The following RGS5 variants were observed in gnomAD, a reference collection of about 807,000 sequenced individuals.
RGS5 encodes the protein regulator of G-protein signalling 5.
RGS5 carries 20 observed loss-of-function variants against 18.9 expected under a neutral mutation model. The observed-to-expected ratio is 1.06, with a 90% CI of 0.74 to 1.54. The LOEUF (loss-of-function observed/expected upper bound fraction) is 1.54, where lower values mean the gene tolerates loss of function less well. Among genes scored for constraint, RGS5 ranks in the 40% most tolerant of loss-of-function variants. The pLI is 0.00. For synonymous variants in RGS5, 57 were observed against 76.2 expected (o/e 0.75, Z 1.31); for missense variants, 201 against 211.8 (o/e 0.95, Z 0.32).
Position 163,143,920 on chromosome 1 carries a change from A to G in RGS5, c.*3422T>C, listed in dbSNP as rs1407034564. The G allele has an allele frequency of 6.6e-6, 1 of 152,160 alleles. No homozygotes were observed. The highest frequency in any genetic ancestry group is 1.9e-4 in the East Asian group (1 of 5,200). The allele number at this position is 152,160 out of a possible 1,614,324, so 9.4% of individuals were successfully genotyped here. On this transcript the variant is annotated 3_prime_UTR_variant, in exon 5 of 5. Coordinates refer to ENST00000313961, the MANE Select transcript of RGS5 (RefSeq NM_003617.4). ...TATTACTCTTTGGAAAATAATTAACAGCTCCATCCTATTGAAATGGCTTGT... is the reference window on the plus strand; with the variant it reads ...TATTACTCTTTGGAAAATAATTAACGGCTCCATCCTATTGAAATGGCTTGT...
chr1:163,186,821 A>G (rs1659108968), intron 1 of RGS5, among the ~76,000 whole-genome samples: 1 of 152,138 alleles, frequency 6.6e-6, no homozygotes, highest in African/African-American at 2.4e-5. Context: ...CCCTGAATCA[A>G]TTCTCAGTCT....
At chr1:163,180,424 G>A (rs948907060) in intron 1 of RGS5, among the ~76,000 whole-genome samples, 1 of 152,100 alleles carries the variant, frequency 6.6e-6, no homozygotes, top group African/African-American at 2.4e-5. Flanking sequence ...GCCTTGCAGA[G>A]ACAATTTCCT....
At chr1:163,250,505 C>A (rs1416363227) in intron 2 of RGS5, among the ~76,000 whole-genome samples, 1 of 152,110 alleles carries the variant, frequency 6.6e-6, no homozygotes, top group Non-Finnish European at 1.5e-5. Context: ...AAACAGAACC[C>A]ACATTCCCTA....
intron 2 of RGS5, among the ~76,000 whole-genome samples, chr1:163,282,001 T>C (rs369907588): frequency 6.6e-6 from 1 of 151,956 alleles, no homozygotes; most frequent in African/African-American, 2.4e-5. Flanking sequence ...AGAATATTGT[T>C]GTAGGCAAAG....
Position 163,283,758 on chromosome 1 carries a change from A to G in RGS5, c.-281+22475T>C, listed in dbSNP as rs182845010. Among the ~76,000 whole-genome samples the G allele has an allele frequency of 9.2e-5, 14 of 152,286 alleles. No individual in the cohort carries two copies. The East Asian group carries it at 2.7e-3, about 29-fold the overall frequency. ...GAAAGCTCAACATTGCAAGGAACTG[A>G]AGACAGCCTTTAGGAGCTGAGGGCA... On this transcript the variant is annotated intron_variant, in intron 2 of 5. Coordinates refer to the RGS5 transcript ENST00000618415.
At chr1:163,204,597 G>A (rs1432203011), upstream of RGS5, among the ~76,000 whole-genome samples, 1 of 152,112 alleles carries the variant, frequency 6.6e-6, no homozygotes, top group Non-Finnish European at 1.5e-5. Flanking sequence ...CAATCCTCCT[G>A]CCTCAGCCTT....
Position 163,270,042 on chromosome 1 carries a change from G to A in RGS5, c.-281+36191C>T, listed in dbSNP as rs1054885428. On this transcript the variant is annotated intron_variant, in intron 2 of 5. Coordinates refer to the RGS5 transcript ENST00000618415. ...AAGACTAAGTCTCACTGTCACTCAG[G>A]CTAAAGTGCAGTGGCATGATCACAG... Among the ~76,000 whole-genome samples the A allele has an allele frequency of 3.3e-5, 5 of 152,204 alleles. No homozygotes were observed. In the East Asian group the frequency reaches 9.7e-4, roughly 29 times the overall value.
intron 2 of RGS5, among the ~76,000 whole-genome samples, chr1:163,276,088 G>A (rs369518634): frequency 2.2e-4 from 34 of 152,038 alleles, no homozygotes; most frequent in African/African-American, 6.8e-4. Context: ...TTCACCTTCC[G>A]GGTTCAAGCA....
intron 2 of RGS5, among the ~76,000 whole-genome samples, chr1:163,262,064 T>A (rs974604444): frequency 3.7e-4 from 56 of 151,554 alleles, no homozygotes; most frequent in Non-Finnish European, 7.8e-4. Context: ...GAGGAGGCAG[T>A]AGTCAAATGG....
intron 2 of RGS5, among the ~76,000 whole-genome samples, chr1:163,270,334 A>G (rs1356453096): frequency 6.9e-6 from 1 of 144,732 alleles, no homozygotes; most frequent in Non-Finnish European, 1.5e-5. Flanking sequence ...CAACATAGGC[A>G]GAACTCATCT....
intron 2 of RGS5, 114 bp from the exon 3 acceptor site, chr1:163,162,090 C>CA: frequency 1.3e-6 from 1 of 767,240 alleles, no homozygotes; most frequent in Non-Finnish European, 2.3e-6. Context: ...GACTGCTGGT[C>CA]TATCCTCAGG....
intron 1 of RGS5, chr1:163,172,683 AG>A: frequency 7.2e-7 from 1 of 1,382,842 alleles, no homozygotes. Flanking sequence ...GCTCAAGTAT[AG>A]AGCATTATAA....
At chr1:163,260,898 A>C (rs1648415805) in intron 2 of RGS5, among the ~76,000 whole-genome samples, 1 of 152,196 alleles carries the variant, frequency 6.6e-6, no homozygotes, top group Non-Finnish European at 1.5e-5. Flanking sequence ...GTGCTCTACA[A>C]GTATCTGTTT....
At chr1:163,154,227 C>T (rs375518101) in intron 3 of RGS5, among the ~76,000 whole-genome samples, 4 of 152,068 alleles carry the variant, frequency 2.6e-5, no homozygotes, top group East Asian at 1.9e-4. Flanking sequence ...ATTGCCAATA[C>T]GTTGATTTCA....
intron 3 of RGS5, among the ~76,000 whole-genome samples, chr1:163,160,255 T>G (rs1657749191): frequency 6.6e-6 from 1 of 152,188 alleles, no homozygotes; most frequent in African/African-American, 2.4e-5. Context: ...AACTCTCAGG[T>G]TTTTTGACAA....
intron 1 of RGS5, among the ~76,000 whole-genome samples, chr1:163,311,278 C>A (rs2101649785): frequency 6.6e-6 from 1 of 152,302 alleles, no homozygotes; most frequent in Non-Finnish European, 1.5e-5. Flanking sequence ...AATGTTGTGG[C>A]TGATTTGATC....
At chr1:163,169,572 G>T (rs1032821978) in intron 1 of RGS5, among the ~76,000 whole-genome samples, 2 of 152,056 alleles carry the variant, frequency 1.3e-5, no homozygotes, top group African/African-American at 4.8e-5. Flanking sequence ...GTGTGAGATG[G>T]TATCTCACTG....
At chr1:163,170,315 G>A (rs1431826463) in intron 1 of RGS5, among the ~76,000 whole-genome samples, 2 of 152,150 alleles carry the variant, frequency 1.3e-5, no homozygotes, top group African/African-American at 4.8e-5. Flanking sequence ...CACAATGCTT[G>A]GCAATATAGT....
intron 1 of RGS5, among the ~76,000 whole-genome samples, chr1:163,171,914 A>G (rs114185129): frequency 2.0e-3 from 311 of 152,356 alleles, no homozygotes; most frequent in African/African-American, 7.3e-3. Flanking sequence ...AGAAAGCAGC[A>G]GAACTCTCAC....
Sources: allele counts gnomAD v4.1 joint callset (sites outside exome capture counted in the v4.1 genomes callset), GRCh38; gene constraint gnomAD v4.1.1; transcripts MANE v1.5; gene names NCBI Gene and HGNC (gene_info 2026-07-23, HGNC 2026-07-21).